NID2: variants seen among roughly 807,000 people sequenced by gnomAD.
NID2 encodes nidogen-2.
A neutral mutation model predicts 145.4 loss-of-function variants in NID2; 83 were observed. That is an observed-to-expected ratio of 0.57 (90% CI 0.48 to 0.69). NID2 has a LOEUF of 0.69. Ranked by LOEUF, NID2 falls within the 30% of genes least tolerant of loss-of-function variation. The pLI is 0.00. For missense variants in NID2, 1,807 were observed against 1,765.7 expected, an observed-to-expected ratio of 1.02 and a Z score of -0.42; for synonymous variants, 739 against 701.3, an observed-to-expected ratio of 1.05 and a Z score of -0.85.
chr14:52,011,778 A>T, intron 16 of NID2, 95 bp from the exon 17 acceptor site: 12 of 1,388,876 alleles, frequency 8.6e-6, no homozygotes, highest in Non-Finnish European at 1.2e-5. Context: ...GCAGTGAGCA[A>T]CACTGCACTG....
chr14:52,020,181 G>A lies in NID2; in HGVS notation c.2675-3C>T, dbSNP rs1891351861. The A allele has an allele frequency of 1.2e-6, 2 of 1,613,452 alleles. No homozygotes were observed. The highest frequency in any genetic ancestry group is 1.3e-5 in the African/African-American group (1 of 75,038). On this transcript the variant is annotated splice_polypyrimidine_tract_variant and splice_region_variant and intron_variant, in intron 12 of 21. Coordinates refer to ENST00000216286, the MANE Select transcript of NID2 (RefSeq NM_007361.4). Reference sequence around the variant, plus strand: ...GTTTTCTGAGCATTCATCTACATCTGCAGAGGTCAGAAACAGAAGAAAGAA... The same window carrying A: ...GTTTTCTGAGCATTCATCTACATCTACAGAGGTCAGAAACAGAAGAAAGAA...
intron 13 of NID2, among the ~76,000 whole-genome samples, chr14:52,019,819 A>C (rs763561522): frequency 3.3e-5 from 5 of 152,160 alleles, no homozygotes; most frequent in Admixed American, 6.5e-5. Flanking sequence ...AGGGCAGTTA[A>C]CCAGAGGGGC....
intron 3 of NID2, among the ~76,000 whole-genome samples, chr14:52,058,936 C>T (rs1264875023): frequency 6.6e-6 from 1 of 151,702 alleles, no homozygotes; most frequent in East Asian, 1.9e-4. Context: ...CCAGACTAAG[C>T]GGCAGCCTAG....
In NID2 at chr14:52,030,616, AAGAAAGAAAG is replaced by A. The variant is rs1342330569; in HGVS notation, c.2258-936_2258-927del. 1.1e-3 allele frequency among the ~76,000 whole-genome samples: 97 copies of A among 91,310 alleles called. 2 individuals are homozygous for A. The East Asian group carries it at 0.016, about 15-fold the overall frequency. 59.9% of individuals were successfully genotyped at this position (91,310 alleles called of 152,430 possible). ...AAAGAAAGAAAGAAAGAGAAAGAAA[AAGAAAGAAAG>A]AGAAAGAAAGAGAAAGAAAAAGAGA... is the stretch of plus-strand genomic sequence containing the variant. On this transcript the variant is annotated intron_variant, in intron 9 of 21. Coordinates refer to ENST00000216286, the MANE Select transcript of NID2 (RefSeq NM_007361.4).
chr14:52,008,974 A>G (rs1464643085), intron 18 of NID2: 1 of 152,256 alleles, frequency 6.6e-6, no homozygotes, highest in African/African-American at 2.4e-5. Context: ...GAAATAGGTT[A>G]TAAGGAAACA....
chr14:52,007,910 T>G lies in NID2; in HGVS notation c.3780A>C (p.Leu1260Phe). The G allele has an allele frequency of 6.2e-7, 1 of 1,613,860 alleles. No homozygotes were observed. The highest frequency in any genetic ancestry group is 8.5e-7 in the Non-Finnish European group (1 of 1,179,850). Residue 1260 changes from leucine (L) to phenylalanine (F), a missense_variant, in exon 19 of 22, where the codon TTA becomes TTC. Physicochemically the swap from Leu to Phe is conservative, Grantham distance 22. Transcript: ENST00000216286. ...REAPKIETSS[L>F]DGENRRILIN... is the part of the protein sequence containing the mutation. The stretch of plus-strand genomic sequence containing the variant: ...TCAGAATTCTTCTGTTTTCTCCATC[T>G]AAAGATGACGTTTCAATTTTAGGAG...
At chr14:52,030,585 A>AGAAAGAAAGAACGGAAGGAAGG (rs1891807508) in intron 9 of NID2, among the ~76,000 whole-genome samples, 2 of 40,470 alleles carry the variant, frequency 4.9e-5, no homozygotes, top group Non-Finnish European at 4.6e-5. Context: ...AGGGAAAGAA[A>AGAAAGAAAGAACGGAAGGAAGG]GAAAGAAAGA....
At chr14:52,031,686 G>A (rs953891108) in intron 9 of NID2, among the ~76,000 whole-genome samples, 8 of 152,134 alleles carry the variant, frequency 5.3e-5, no homozygotes, top group African/African-American at 7.2e-5. Flanking sequence ...GACACTGGCA[G>A]TACCACCCAT....
chr14:52,060,469 C>T (rs754423), intron 2 of NID2, 113 bp from the exon 3 acceptor site: 161,573 of 529,494 alleles, frequency 0.31, 28,404 homozygotes, highest in East Asian at 0.56. Flanking sequence ...GTGCAAAGAA[C>T]TTCCCCTTTT....
rs766586115 is a variant in NID2 at position 52,028,807 on chromosome 14, G to C, written c.2445C>G (p.Asn815Lys). The change falls in exon 11 of 22, where the codon AAC becomes AAG. Residue 815 changes from asparagine to lysine, a missense_variant. Physicochemically the swap from Asn to Lys is moderately conservative, Grantham distance 94 (BLOSUM62 0). Coordinates refer to ENST00000216286, the MANE Select transcript of NID2 (RefSeq NM_007361.4). ...TTCCAGGCAAGTTGATACATACAGA[G>C]TTGGGGCCACAGCGATGAAAGCCAG... ...CATGFHRCGP[N>K]SVCINLPGSY... 54 of 1,613,932 alleles carry C rather than the reference G, an allele frequency of 3.3e-5. No homozygotes were observed. Among genetic ancestry groups the C allele is most frequent in the Non-Finnish European group, 4.4e-5 (52 of 1,179,978 alleles).
rs1555363677 is a variant in NID2, at chr14:52,030,481, A to AAAAGAAAGAAAAGAAAG, written c.2258-792_2258-791insCTTTCTTTTCTTTCTTT. ...GCCAAGACCTTATCTCGAGAGAAAGAAAAGAAAGAAAGAAAGAAAGAGAAA... is the reference window on the plus strand; with the variant it reads ...GCCAAGACCTTATCTCGAGAGAAAGAAAAGAAAGAAAAGAAAGAAAGAAAGAAAGAAAGAAAGAGAAA... On this transcript the variant is annotated intron_variant, in intron 9 of 21. Coordinates refer to ENST00000216286, the MANE Select transcript of NID2 (RefSeq NM_007361.4). Among the ~76,000 whole-genome samples the AAAAGAAAGAAAAGAAAG allele has an allele frequency of 3.7e-4, 43 of 115,376 alleles. 4 individuals are homozygous for AAAAGAAAGAAAAGAAAG. The highest frequency in any genetic ancestry group is 8.0e-4 in the African/African-American group (25 of 31,216). The allele number at this position is 115,376 out of a possible 152,430, so 75.7% of individuals were successfully genotyped here. A position where few individuals can be genotyped will look rare whatever the true frequency, so the allele number is the denominator to read the frequency against.
chr14:52,038,722 C>A, intron 9 of NID2, 25 bp downstream of exon 9: 1 of 1,513,126 alleles, frequency 6.6e-7, no homozygotes, highest in South Asian at 1.3e-5. Flanking sequence ...TCATTTTTAC[C>A]CAACAACAAA....
chr14:52,051,265 A>T (rs1892669238), intron 5 of NID2, among the ~76,000 whole-genome samples: 1 of 152,166 alleles, frequency 6.6e-6, no homozygotes, highest in Non-Finnish European at 1.5e-5. Flanking sequence ...CAAGATGACT[A>T]CCCTAAAGCT....
intron 9 of NID2, among the ~76,000 whole-genome samples, chr14:52,032,047 T>TC (rs1441723929): frequency 6.6e-6 from 1 of 152,142 alleles, no homozygotes; most frequent in Non-Finnish European, 1.5e-5. Context: ...TCTGGCATTC[T>TC]CCCCCGTGCC....
intron 9 of NID2, among the ~76,000 whole-genome samples, chr14:52,036,519 T>C (rs1382735524): frequency 2.0e-5 from 3 of 152,200 alleles, no homozygotes; most frequent in Non-Finnish European, 4.4e-5. Flanking sequence ...TTTGGGTATA[T>C]AGAAAGGAGT....
At chr14:52,024,569 C>T (rs574520840) in intron 12 of NID2, among the ~76,000 whole-genome samples, 73 of 152,294 alleles carry the variant, frequency 4.8e-4, no homozygotes, top group Non-Finnish European at 8.1e-4. Flanking sequence ...CCAGCTGAGC[C>T]ATTCCCAGGT....
At chr14:52,046,272 G>A (rs1032855431) in intron 5 of NID2, among the ~76,000 whole-genome samples, 7 of 137,792 alleles carry the variant, frequency 5.1e-5, no homozygotes, top group Admixed American at 8.2e-5. Flanking sequence ...GCAGTGAGCC[G>A]AGATCGCACC....
intron 9 of NID2, among the ~76,000 whole-genome samples, chr14:52,035,279 T>C (rs1892015733): frequency 6.6e-6 from 1 of 152,316 alleles, no homozygotes; most frequent in South Asian, 2.1e-4. Flanking sequence ...TCCTTCTCCT[T>C]CTTCCTCCTG....
intron 12 of NID2, among the ~76,000 whole-genome samples, chr14:52,024,398 C>T (rs1035056575): frequency 1.3e-5 from 2 of 152,238 alleles, no homozygotes; most frequent in African/African-American, 4.8e-5. Context: ...AGGCAGCCAA[C>T]AACCAGCAAG....
Sources: allele counts gnomAD v4.1 joint callset (sites outside exome capture counted in the v4.1 genomes callset), GRCh38; gene constraint gnomAD v4.1.1; transcripts MANE v1.5; gene names NCBI Gene and HGNC (gene_info 2026-07-23, HGNC 2026-07-21).